The following TEKT1 variants were observed in gnomAD, a reference collection of about 807,000 sequenced individuals.
The protein encoded by TEKT1 is tektin 1.
In TEKT1, 32 loss-of-function variants were observed where a neutral mutation model predicts 34.8. The observed-to-expected ratio is 0.92, with a 90% CI of 0.69 to 1.23. TEKT1 has a LOEUF of 1.23. Among genes scored for constraint, TEKT1 ranks in the 50% most tolerant of loss-of-function variants. The probability of loss-of-function intolerance (pLI) is 0.00; values close to 1 mark genes in which losing one functional copy is unlikely to be tolerated. For missense variants in TEKT1, 492 were observed against 518.5 expected (o/e 0.95, Z 0.50); for synonymous variants, 207 against 199.8 (o/e 1.04, Z -0.30).
At position 6,812,839 on chromosome 17, in the gene TEKT1, G is replaced by C; in HGVS notation, c.844C>G (p.Leu282Val). The C allele has an allele frequency of 6.2e-7, 1 of 1,613,652 alleles. No individual in the cohort carries two copies. Among genetic ancestry groups the C allele is most frequent in the South Asian group, 1.1e-5 (1 of 91,072 alleles). The change falls in exon 6 of 8, where the codon CTG (leucine) becomes GTG (valine). Residue 282 changes from leucine (L) to valine (V), a missense_variant. By Grantham distance (32) the Leu-to-Val change is conservative. Coordinates refer to ENST00000338694, the MANE Select transcript of TEKT1 (RefSeq NM_053285.2). Reference sequence around the variant, plus strand: ...CCCTCAAGGGACCTCACCTTGGCCAGATGATCAGCCAGCTTGTCCCTGGCA... The same window carrying C: ...CCCTCAAGGGACCTCACCTTGGCCACATGATCAGCCAGCTTGTCCCTGGCA... Reference protein sequence around the residue: ...KDARDKLADHLAKVMEEIASQ... With the variant: ...KDARDKLADHVAKVMEEIASQ...
rs200270427 is a variant in TEKT1 at position 6,812,953 on chromosome 17, G to A, written c.730C>T (p.Arg244Ter). The A allele has an allele frequency of 2.7e-5, 44 of 1,614,058 alleles. No homozygotes were observed. Among genetic ancestry groups the A allele is most frequent in the South Asian group, 2.0e-4 (18 of 91,084 alleles). The change falls in exon 6 of 8, where the codon CGA (arginine) becomes TGA (stop). Residue 244 changes from arginine to a stop codon, truncating the protein, a stop_gained. Coordinates refer to ENST00000338694, the MANE Select transcript of TEKT1 (RefSeq NM_053285.2). LOFTEE classifies it high-confidence loss of function. ...NSLMLKALVD[R>*]ILSQTANDLR... is the part of the protein sequence containing the mutation. ...TCATTGGCTGTCTGGGACAGGATTC[G>A]ATCCACCAGGGCTTTCAGCATCAGG...
chr17:6,827,307 G>A (rs147085760), intron 2 of TEKT1, among the ~76,000 whole-genome samples: 1,611 of 149,250 alleles, frequency 0.011, 21 homozygotes, highest in African/African-American at 0.038. Context: ...TGTCGCCCGG[G>A]CTGGAGTGCA....
At chr17:6,825,173 G>T (rs1328056852) in intron 2 of TEKT1, among the ~76,000 whole-genome samples, 4 of 152,200 alleles carry the variant, frequency 2.6e-5, no homozygotes, top group African/African-American at 9.6e-5. Context: ...TTGTGCCATA[G>T]AATTCTAAAA....
chr17:6,819,392 T>G (rs1977056347), intron 2 of TEKT1, 34 bp from the exon 3 acceptor site: 1 of 1,588,158 alleles, frequency 6.3e-7, no homozygotes, highest in African/African-American at 1.4e-5. Flanking sequence ...CCAGGGCTAA[T>G]CTATCCCAAG....
rs1001264486 is a variant in TEKT1, at chr17:6,811,764, G to T, written c.852+1067C>A. 6.6e-6 allele frequency among the ~76,000 whole-genome samples: 1 copy of T among 152,156 alleles called. No homozygotes were observed. Among genetic ancestry groups the T allele is most frequent in the African/African-American group, 2.4e-5 (1 of 41,438 alleles). ...TGGGGCCCTTCCCCTCTCTGTTTCA[G>T]CTTCACCAGCAGTAAAGCGTAGGGT... On this transcript the variant is annotated intron_variant, in intron 6 of 7. Transcript: ENST00000338694. This position sits in a 1 kb window ranked among gnomAD's most constrained non-coding sequence, Gnocchi z 4.4.
At chr17:6,801,729 A>G (rs1976776535) in intron 6 of TEKT1, among the ~76,000 whole-genome samples, 1 of 152,214 alleles carries the variant, frequency 6.6e-6, no homozygotes, top group Admixed American at 6.5e-5. Context: ...AAAAGAAAAG[A>G]AAAAGACTAC....
At chr17:6,826,695 TA>T (rs1354429368) in intron 2 of TEKT1, among the ~76,000 whole-genome samples, 6 of 147,366 alleles carry the variant, frequency 4.1e-5, no homozygotes, top group African/African-American at 1.6e-4. Context: ...TTGGGATTAT[TA>T]TTATTTTTTT....
intron 1 of TEKT1, among the ~76,000 whole-genome samples, chr17:6,830,763 T>C (rs1012803027): frequency 1.1e-4 from 16 of 152,176 alleles, no homozygotes; most frequent in African/African-American, 3.6e-4. Flanking sequence ...TGATTGCAGT[T>C]TGTTCGTTCT....
Position 6,798,591 on chromosome 17 carries a change from C to A in TEKT1, c.*1436G>T, listed in dbSNP as rs1976725557. On this transcript the variant is annotated 3_prime_UTR_variant, in exon 8 of 8. Transcript: ENST00000338694. The stretch of plus-strand genomic sequence containing the variant: ...GCACTCTGAGAGGAGACGTTCAGCA[C>A]TGGGGTGGCATAGATCAGAATTAAC... 6.6e-6 allele frequency: 1 copy of A among 152,238 alleles called. No homozygotes were observed. Among genetic ancestry groups the A allele is most frequent in the Admixed American group, 6.5e-5 (1 of 15,276 alleles). 9.4% of individuals were successfully genotyped at this position (152,238 alleles called of 1,614,324 possible).
At chr17:6,806,835 C>G (rs1015423649) in intron 6 of TEKT1, among the ~76,000 whole-genome samples, 1 of 152,152 alleles carries the variant, frequency 6.6e-6, no homozygotes, top group African/African-American at 2.4e-5. Context: ...GCTGAGAGAT[C>G]AGCTGTTAGT....
intron 4 of TEKT1, among the ~76,000 whole-genome samples, 174 bp from the exon 5 acceptor site, chr17:6,815,480 A>G (rs1976992735): frequency 6.6e-6 from 1 of 151,704 alleles, no homozygotes; most frequent in Admixed American, 6.6e-5. Context: ...CCGGTGACAA[A>G]TCAACGTAAC....
rs985045903 is a variant in TEKT1, at chr17:6,815,969, G to A, written c.357-7C>T. On this transcript the variant is annotated splice_region_variant and splice_polypyrimidine_tract_variant and intron_variant, in intron 3 of 7. Transcript: ENST00000338694. ...AATGCCAATGCGCTTCTCCCTGGCA[G>A]GGGGAAAGGCAGCCAGTCAGCCAAC... is the stretch of plus-strand genomic sequence containing the variant. 1 of 1,613,538 alleles carries A rather than the reference G, an allele frequency of 6.2e-7. No individual in the cohort carries two copies. Among genetic ancestry groups the A allele is most frequent in the African/African-American group, 1.3e-5 (1 of 75,040 alleles).
intron 6 of TEKT1, among the ~76,000 whole-genome samples, chr17:6,804,517 G>A (rs1174831991): frequency 1.3e-5 from 2 of 152,214 alleles, no homozygotes; most frequent in African/African-American, 4.8e-5. Flanking sequence ...AGTGGTGAGA[G>A]AGGGCATCCC....
intron 2 of TEKT1, among the ~76,000 whole-genome samples, chr17:6,826,049 T>A (rs753795917): frequency 5.9e-5 from 9 of 152,232 alleles, no homozygotes; most frequent in Non-Finnish European, 1.3e-4. Context: ...CAGCAATTTG[T>A]ATTTCCACCA....
intron 6 of TEKT1, among the ~76,000 whole-genome samples, chr17:6,802,337 C>A (rs1294159470): frequency 6.6e-6 from 1 of 152,096 alleles, no homozygotes; most frequent in African/African-American, 2.4e-5. Context: ...ATAATTGCTC[C>A]TACTTCAAAC....
At chr17:6,829,793 C>G (rs1211459306) in intron 2 of TEKT1, among the ~76,000 whole-genome samples, 1 of 151,580 alleles carries the variant, frequency 6.6e-6, no homozygotes, top group African/African-American at 2.4e-5. Context: ...GTATTTTGGA[C>G]CTACAACTGG....
At chr17:6,815,731 G>A (rs1310071329) in intron 4 of TEKT1, 103 bp downstream of exon 4, 1 of 1,527,230 alleles carries the variant, frequency 6.5e-7, no homozygotes, top group African/African-American at 1.4e-5. Flanking sequence ...GAGCGGGAAT[G>A]TTGAACCCCT....
At chr17:6,825,130 C>A in intron 2 of TEKT1, among the ~76,000 whole-genome samples, 1 of 151,828 alleles carries the variant, frequency 6.6e-6, no homozygotes, top group Admixed American at 6.6e-5. Context: ...GAAGAAATGG[C>A]CAGAGAGAAA....
Position 6,816,024 on chromosome 17 carries a change from C to T in TEKT1, c.357-62G>A, listed in dbSNP as rs1372456517. On this transcript the variant is annotated intron_variant, in intron 3 of 7. Coordinates refer to ENST00000338694, the MANE Select transcript of TEKT1 (RefSeq NM_053285.2). ...GCAACATGAGGTGACTCAACATTGG[C>T]TAATGGCTGCACACTCAGAACTATC... The T allele has an allele frequency of 2.5e-6, 4 of 1,598,678 alleles. No homozygotes were observed. In the African/African-American group the frequency reaches 4.0e-5, roughly 16 times the overall value.
Sources: gnomAD v4.1 joint callset for allele counts (sites outside exome capture counted in the v4.1 genomes callset) on GRCh38, gnomAD v4.1.1 for gene constraint, Gnocchi (gnomAD v3.1) non-coding constraint, MANE v1.5 for transcripts, NCBI Gene and HGNC (gene_info 2026-07-23, HGNC 2026-07-21) for gene names.